Variants in HESX1 observed in about 807,000 individuals in gnomAD.
HESX1 encodes HESX homeobox 1, also known as homeobox expressed in ES cells 1.
In HESX1, 11 loss-of-function variants were observed where a neutral mutation model predicts 22.5. The observed-to-expected ratio is 0.49, with a 90% CI of 0.31 to 0.81. The LOEUF (loss-of-function observed/expected upper bound fraction) is 0.81. Ranked by LOEUF, HESX1 falls within the 30% of genes least tolerant of loss-of-function variation. The probability of loss-of-function intolerance (pLI) is 0.05; values close to 1 mark genes in which losing one functional copy is unlikely to be tolerated. For synonymous variants in HESX1, 74 were observed against 76.5 expected, an observed-to-expected ratio of 0.97 and a Z score of 0.17; for missense variants, 201 against 212.6, an observed-to-expected ratio of 0.95 and a Z score of 0.34.
At chr3:57,227,551 G>A (rs2060655434), upstream of HESX1, among the ~76,000 whole-genome samples, 1 of 152,228 alleles carries the variant, frequency 6.6e-6, no homozygotes, top group African/African-American at 2.4e-5. Context: ...GCGCGTGCAG[G>A]GAAGGCCATC....
chr3:57,202,326 A>AT (rs2060495104), upstream of HESX1, among the ~76,000 whole-genome samples: 1 of 151,832 alleles, frequency 6.6e-6, no homozygotes, highest in African/African-American at 2.4e-5. Context: ...CACTCAACAG[A>AT]TTTTTGTTTG....
chr3:57,209,491 A>G (rs1196144978), intron 1 of HESX1, among the ~76,000 whole-genome samples: 2 of 152,000 alleles, frequency 1.3e-5, no homozygotes, highest in Non-Finnish European at 2.9e-5. Flanking sequence ...AATACAAAAA[A>G]TTAGCTGGGT....
chr3:57,205,232 G>A (rs1032331875), intron 1 of HESX1, among the ~76,000 whole-genome samples: 2 of 152,058 alleles, frequency 1.3e-5, no homozygotes, highest in African/African-American at 4.8e-5. Flanking sequence ...AACACAGTGA[G>A]ACCCCAACTC....
chr3:57,217,168 G>A (rs939099310), intron 1 of HESX1, among the ~76,000 whole-genome samples: 2 of 152,070 alleles, frequency 1.3e-5, no homozygotes, highest in East Asian at 1.9e-4. Context: ...GTGTTTAGAG[G>A]GCAAAATCTG....
intron 1 of HESX1, among the ~76,000 whole-genome samples, chr3:57,209,977 G>C (rs2060544003): frequency 6.6e-6 from 1 of 152,160 alleles, no homozygotes; most frequent in South Asian, 2.1e-4. Flanking sequence ...TCACTAACTA[G>C]GAAGTGGCAG....
intron 1 of HESX1, among the ~76,000 whole-genome samples, chr3:57,209,671 C>CAAAAAAA (rs71088042): frequency 1.9e-4 from 16 of 82,062 alleles, no homozygotes; most frequent in Admixed American, 2.7e-4. Context: ...AGCTCCATCT[C>CAAAAAAA]AAAAAAAAAA....
intron 1 of HESX1, among the ~76,000 whole-genome samples, chr3:57,218,395 T>C (rs1579364973): frequency 6.6e-6 from 1 of 152,010 alleles, no homozygotes; most frequent in South Asian, 2.1e-4. Context: ...CTAATGATGA[T>C]GGCCTACAGC....
Position 57,221,216 on chromosome 3 carries a change from ACTCCATGG to A in HESX1, c.-111+5072_-111+5079del, listed in dbSNP as rs2060614235. Among the ~76,000 whole-genome samples the A allele has an allele frequency of 3.4e-5, 5 of 148,576 alleles. No homozygotes were observed. In the South Asian group the frequency reaches 1.1e-3, roughly 32 times the overall value. On this transcript the variant is annotated intron_variant, in intron 1 of 2. Transcript: ENST00000495160. ...TCACCCATGCTGGAGTGCAGCCTGT[ACTCCATGG>A]CTCAATGCAGCCTCCAACTCTCCAG...
intron 1 of HESX1, among the ~76,000 whole-genome samples, chr3:57,219,273 T>C (rs1227430452): frequency 6.6e-6 from 1 of 152,166 alleles, no homozygotes. Context: ...TTATTTGCAG[T>C]TCTCTAATGA....
intron 2 of HESX1, 117 bp downstream of exon 2, chr3:57,198,636 T>A (rs2060463316): frequency 9.5e-7 from 1 of 1,057,986 alleles, no homozygotes; most frequent in Non-Finnish European, 1.5e-6. Context: ...AATATGGTAG[T>A]CTACTGTTTC....
chr3:57,221,022 G>T (rs1579367513), intron 1 of HESX1, among the ~76,000 whole-genome samples: 1 of 152,140 alleles, frequency 6.6e-6, no homozygotes. Context: ...TCTCCTTCTG[G>T]AATGTTTGCT....
chr3:57,219,439 C>A (rs2107583852), intron 1 of HESX1, among the ~76,000 whole-genome samples: 3 of 151,988 alleles, frequency 2.0e-5, no homozygotes, highest in Middle Eastern at 6.8e-3. Flanking sequence ...GTGGTCTTGG[C>A]TCACTGCAAG....
chr3:57,213,834 T>C (rs977942519), intron 1 of HESX1, among the ~76,000 whole-genome samples: 1 of 152,104 alleles, frequency 6.6e-6, no homozygotes, highest in African/African-American at 2.4e-5. Flanking sequence ...GTCAGGAGAA[T>C]TGCTTGAACC....
upstream of HESX1, among the ~76,000 whole-genome samples, chr3:57,204,850 C>G (rs1328434239): frequency 6.7e-6 from 1 of 150,300 alleles, no homozygotes; most frequent in Non-Finnish European, 1.5e-5. Context: ...CAAGAAGGGT[C>G]TCAGGACTGA....
intron 1 of HESX1, among the ~76,000 whole-genome samples, chr3:57,221,635 C>T (rs910277740): frequency 3.9e-5 from 6 of 152,090 alleles, no homozygotes; most frequent in Admixed American, 2.6e-4. Context: ...GAGATGGAGT[C>T]GTGCTCTGTC....
chr3:57,198,471 A>C lies in HESX1; in HGVS notation c.379T>G (p.Phe127Val). 1.3e-6 allele frequency: 2 copies of C among 1,597,162 alleles called. No homozygotes were observed. Among genetic ancestry groups the C allele is most frequent in the Non-Finnish European group, 1.7e-6 (2 of 1,166,456 alleles). ...ATACCAGGATAGCAGTTTACTCTAA[A>C]GACATTTTCTAACACTTCAATCTAA... ...QNQIEVLENV[F>V]RVNCYPGIDI... The change falls in exon 3 of 4, where the codon TTT (phenylalanine) becomes GTT (valine). Residue 127 changes from phenylalanine to valine, a missense_variant. By Grantham distance (50) the Phe-to-Val change is conservative. Transcript: ENST00000295934.
chr3:57,221,310 T>C (rs2060614743), intron 1 of HESX1, among the ~76,000 whole-genome samples: 1 of 151,830 alleles, frequency 6.6e-6, no homozygotes, highest in African/African-American at 2.4e-5. Flanking sequence ...CACACCACCA[T>C]ACCCAGCCAA....
chr3:57,213,084 A>G (rs781733814), intron 1 of HESX1, among the ~76,000 whole-genome samples: 25 of 152,080 alleles, frequency 1.6e-4, no homozygotes, highest in Non-Finnish European at 3.2e-4. Flanking sequence ...ACAAACATGT[A>G]TAGCTCTGCC....
chr3:57,209,838 A>G (rs1403923301), intron 1 of HESX1, among the ~76,000 whole-genome samples: 1 of 152,214 alleles, frequency 6.6e-6, no homozygotes, highest in Non-Finnish European at 1.5e-5. Context: ...GAATACAAAC[A>G]CAAAATATCT....
Sources: allele counts gnomAD v4.1 joint callset (sites outside exome capture counted in the v4.1 genomes callset), GRCh38; gene constraint gnomAD v4.1.1; transcripts MANE v1.5; gene names NCBI Gene and HGNC (gene_info 2026-07-23, HGNC 2026-07-21).